PARP9: variants seen among roughly 807,000 people sequenced by gnomAD.
PARP9 encodes protein mono-ADP-ribosyltransferase PARP9.
In PARP9, 48 loss-of-function variants were observed where a neutral mutation model predicts 68.8. The ratio of observed to expected loss-of-function variants is 0.70; its 90% CI spans 0.55 to 0.89. PARP9 has a LOEUF of 0.89. PARP9 is among the 40% of genes least tolerant of loss of function. PARP9 has a pLI of 0.00. For missense variants in PARP9, 806 were observed against 969.3 expected, an observed-to-expected ratio of 0.83 and a Z score of 2.24; for synonymous variants, 309 against 333.8, an observed-to-expected ratio of 0.93 and a Z score of 0.81.
At chr3:122,540,896 T>TG in intron 7 of PARP9, 44 bp from the exon 8 acceptor site, 1 of 1,253,752 alleles carries the variant, frequency 8.0e-7, no homozygotes, top group South Asian at 1.4e-5. Flanking sequence ...TAGCAGTTTT[T>TG]TGTTTTTTTT....
chr3:122,560,204 TA>T, intron 1 of PARP9, among the ~76,000 whole-genome samples: 1 of 152,060 alleles, frequency 6.6e-6, no homozygotes, highest in Admixed American at 6.5e-5. Context: ...GACCTAATGA[TA>T]GGGGTATATC....
chr3:122,536,172 A>C lies in PARP9; in HGVS notation c.2076T>G (p.Pro692=). The stretch of plus-strand genomic sequence containing the variant: ...TGATGAGGCATTGACACCTACCGCA[A>C]GGTGTCGAGTACATTCTTTGAAAGC... ...RVGFQRMYST[P]CDPKYGAGIY... is the part of the protein sequence containing the mutation. The change falls in exon 10 of 11, where the codon CCT becomes CCG. Residue 692 remains proline, a synonymous_variant. Coordinates refer to ENST00000682323, the MANE Select transcript of PARP9 (RefSeq NM_001146105.2). 4 of 1,614,164 alleles carry C rather than the reference A, an allele frequency of 2.5e-6. No homozygotes were observed. The highest frequency in any genetic ancestry group is 3.4e-6 in the Non-Finnish European group (4 of 1,180,014).
chr3:122,539,507 A>ATTCCTGTCTTTCTTTCTTTC (rs1553714534), intron 8 of PARP9, among the ~76,000 whole-genome samples: 1 of 133,162 alleles, frequency 7.5e-6, no homozygotes, highest in East Asian at 2.2e-4. Flanking sequence ...CCAAGATGGC[A>ATTCCTGTCTTTCTTTCTTTC]TTTCTTTCTT....
At position 122,549,205 on chromosome 3, in the gene PARP9, G is replaced by A. The variant is rs144559982; in HGVS notation, c.1326+1379C>T. Among the ~76,000 whole-genome samples, 359 of 152,050 alleles carry A rather than the reference G, an allele frequency of 2.4e-3. 2 individuals are homozygous for A. Among genetic ancestry groups the A allele is most frequent in the African/African-American group, 8.2e-3 (340 of 41,482 alleles). On this transcript the variant is annotated intron_variant, in intron 6 of 10. Transcript: ENST00000682323. ...AATTTTTTGTATTTTTAGTAGAAAC[G>A]GGATTTCATCATGTTAGCTACACTG... is the stretch of plus-strand genomic sequence containing the variant.
intron 3 of PARP9, among the ~76,000 whole-genome samples, chr3:122,556,970 C>G (rs2079740864): frequency 6.6e-6 from 1 of 152,166 alleles, no homozygotes; most frequent in African/African-American, 2.4e-5. Flanking sequence ...GCTCACAGCA[C>G]TACACCCACA....
At chr3:122,542,265 T>TC (rs1259971018) in intron 7 of PARP9, among the ~76,000 whole-genome samples, 1 of 145,028 alleles carries the variant, frequency 6.9e-6, no homozygotes, top group Non-Finnish European at 1.5e-5. Flanking sequence ...TACTTTTTTT[T>TC]TTTTTTTTTT....
At chr3:122,539,507 A>ATTTCTTTC (rs144389968) in intron 8 of PARP9, among the ~76,000 whole-genome samples, 8,437 of 132,714 alleles carry the variant, frequency 0.064, 403 homozygotes, top group Non-Finnish European at 0.076. Context: ...CCAAGATGGC[A>ATTTCTTTC]TTTCTTTCTT....
intron 8 of PARP9, among the ~76,000 whole-genome samples, chr3:122,538,858 GTT>G (rs11290575): frequency 8.7e-5 from 13 of 148,810 alleles, no homozygotes; most frequent in African/African-American, 1.2e-4. Flanking sequence ...TTTTATCCAT[GTT>G]TTTTTTTTTG....
chr3:122,534,424 T>A (rs2077499902), intron 10 of PARP9: 1 of 985,498 alleles, frequency 1.0e-6, no homozygotes, highest in Middle Eastern at 5.2e-4. Flanking sequence ...GTCCTCTCTA[T>A]ACCTGTTCGG....
At chr3:122,549,244 G>C (rs2079001485) in intron 6 of PARP9, among the ~76,000 whole-genome samples, 1 of 152,170 alleles carries the variant, frequency 6.6e-6, no homozygotes, top group Non-Finnish European at 1.5e-5. Context: ...TCAAACTCGT[G>C]ACCTCAGATG....
intron 7 of PARP9, among the ~76,000 whole-genome samples, chr3:122,542,141 T>C (rs2078277516): frequency 6.6e-6 from 1 of 152,100 alleles, no homozygotes; most frequent in South Asian, 2.1e-4. Flanking sequence ...CATAGTGATA[T>C]TGCATTTATC....
intron 6 of PARP9, among the ~76,000 whole-genome samples, chr3:122,549,062 C>G (rs1489192147): frequency 6.6e-6 from 1 of 151,686 alleles, no homozygotes; most frequent in African/African-American, 2.4e-5. Context: ...TTGCCCAAGC[C>G]CGGGTGCAAT....
In PARP9 at chr3:122,558,461, C is replaced by T. The variant is rs565162400; in HGVS notation, c.22G>A (p.Gly8Arg). The T allele has an allele frequency of 2.1e-5, 34 of 1,613,770 alleles. No individual in the cohort carries two copies. Among genetic ancestry groups the T allele is most frequent in the Admixed American group, 8.3e-5 (5 of 59,990 alleles). MDFSMVA[G>R]AAAYNEKSET... ...GATTTTTCATTGTAAGCTGCTGCTC[C>T]GGCCACCTGTGAAAAATGAGAATGG... is the stretch of plus-strand genomic sequence containing the variant. Residue 8 changes from glycine to arginine, a missense_variant, in exon 3 of 11, where the codon GGA (glycine) becomes AGA (arginine). By Grantham distance (125) the Gly-to-Arg change is moderately radical. Coordinates refer to ENST00000682323, the MANE Select transcript of PARP9 (RefSeq NM_001146105.2).
intron 10 of PARP9, 48 bp downstream of exon 10, chr3:122,536,120 T>C (rs377233746): frequency 3.7e-6 from 6 of 1,613,670 alleles, no homozygotes; most frequent in Non-Finnish European, 5.1e-6. Context: ...TGATGTCAGC[T>C]CACCAAATTC....
intron 3 of PARP9, 132 bp from the exon 4 acceptor site, chr3:122,556,253 T>A (rs914592885): frequency 6.9e-5 from 43 of 619,234 alleles, no homozygotes; most frequent in African/African-American, 1.9e-5. Context: ...GAACTTCATG[T>A]AGTGCTCTTC....
intron 1 of PARP9, among the ~76,000 whole-genome samples, chr3:122,560,357 A>G (rs2080089255): frequency 6.6e-6 from 1 of 152,086 alleles, no homozygotes; most frequent in Non-Finnish European, 1.5e-5. Context: ...TGCTATATTT[A>G]GGCCTCGAAA....
In PARP9 at chr3:122,540,713, G is replaced by A. The variant is rs1360510249; in HGVS notation, c.1524C>T (p.His508=). The part of the protein sequence containing the change: ...WIQRILSLQN[H]HIIENNHILY... ...GAATATGATTATTCTCAATGATGTG[G>A]TGGTTCTGGAGACTCAGGATTCTTT... Residue 508 remains histidine (H), a synonymous_variant, in exon 8 of 11, where the codon CAC becomes CAT. Transcript: ENST00000682323. 1 of 1,614,050 alleles carries A rather than the reference G, an allele frequency of 6.2e-7. No individual in the cohort carries two copies. Among genetic ancestry groups the A allele is most frequent in the Non-Finnish European group, 8.5e-7 (1 of 1,180,016 alleles).
chr3:122,535,548 T>C, intron 10 of PARP9: 1 of 985,362 alleles, frequency 1.0e-6, no homozygotes, highest in Non-Finnish European at 1.2e-6. Context: ...GCCAGAAATC[T>C]TCATTAGTGA....
intron 6 of PARP9, among the ~76,000 whole-genome samples, chr3:122,549,041 T>A (rs2107669120): frequency 6.7e-6 from 1 of 149,286 alleles, no homozygotes; most frequent in Middle Eastern, 3.5e-3. Flanking sequence ...TGAGATGGAG[T>A]TTCACTCTTG....
Sources: allele counts gnomAD v4.1 joint callset (sites outside exome capture counted in the v4.1 genomes callset), GRCh38; gene constraint gnomAD v4.1.1; transcripts MANE v1.5; gene names NCBI Gene and HGNC (gene_info 2026-07-23, HGNC 2026-07-21).